CTNNA3: variants seen among roughly 807,000 people sequenced by gnomAD.
CTNNA3 encodes the protein catenin alpha 3, also known as catenin alpha-3.
CTNNA3 carries 76 observed loss-of-function variants against 95.7 expected under a neutral mutation model. That is an observed-to-expected ratio of 0.79 (90% CI 0.66 to 0.96). CTNNA3 has a LOEUF of 0.96. Among genes scored for constraint, CTNNA3 ranks in the 40% least tolerant of loss-of-function variants. The probability of loss-of-function intolerance (pLI) is 0.00; values close to 1 mark genes in which losing one functional copy is unlikely to be tolerated. For synonymous variants in CTNNA3, 431 were observed against 374.4 expected (o/e 1.15, Z -1.74); for missense variants, 1,191 against 1,089.8 (o/e 1.09, Z -1.31).
intron 14 of CTNNA3, among the ~76,000 whole-genome samples, chr10:66,093,312 C>T (rs2133701132): frequency 6.6e-6 from 1 of 152,098 alleles, no homozygotes; most frequent in African/African-American, 2.4e-5. Context: ...GAGATAGAGC[C>T]TAGTGCACTT....
At chr10:66,174,876 T>C (rs1405647659) in intron 13 of CTNNA3, among the ~76,000 whole-genome samples, 1 of 152,152 alleles carries the variant, frequency 6.6e-6, no homozygotes, top group Non-Finnish European at 1.5e-5. Context: ...CTTTGTTACA[T>C]TTTCATTTAA....
intron 10 of CTNNA3, among the ~76,000 whole-genome samples, chr10:66,536,576 A>G (rs1841667692): frequency 6.6e-6 from 1 of 152,100 alleles, no homozygotes; most frequent in Admixed American, 6.6e-5. Flanking sequence ...AATAATCTCA[A>G]CAAGAAGATC....
At chr10:66,752,201 T>C (rs1014069592) in intron 9 of CTNNA3, among the ~76,000 whole-genome samples, 1 of 152,112 alleles carries the variant, frequency 6.6e-6, no homozygotes, top group Non-Finnish European at 1.5e-5. Flanking sequence ...TAACTTACTA[T>C]AAAGTTACAG....
intron 13 of CTNNA3, among the ~76,000 whole-genome samples, chr10:66,217,035 T>C (rs1267994934): frequency 6.6e-6 from 1 of 152,148 alleles, no homozygotes; most frequent in Non-Finnish European, 1.5e-5. Flanking sequence ...CTCTATTCTA[T>C]AGTTTTATTT....
At chr10:66,178,943 A>G (rs893472686) in intron 13 of CTNNA3, among the ~76,000 whole-genome samples, 3 of 152,048 alleles carry the variant, frequency 2.0e-5, no homozygotes, top group Non-Finnish European at 4.4e-5. Flanking sequence ...TCACTCATAC[A>G]TGGCTAATTG....
At chr10:66,074,353 G>A (rs2080504858) in intron 14 of CTNNA3, among the ~76,000 whole-genome samples, 1 of 151,816 alleles carries the variant, frequency 6.6e-6, no homozygotes, top group African/African-American at 2.4e-5. Context: ...ACATATGGGT[G>A]TATTTCTCTT....
At chr10:67,659,625 A>G (rs1024865778) in intron 1 of CTNNA3, among the ~76,000 whole-genome samples, 1 of 152,246 alleles carries the variant, frequency 6.6e-6, no homozygotes, top group Admixed American at 6.5e-5. Context: ...ATGAGACAAC[A>G]GAAAAGCTTT....
chr10:67,263,549 C>T (rs1904611), intron 5 of CTNNA3, among the ~76,000 whole-genome samples: 48,306 of 151,976 alleles, frequency 0.32, 13,572 homozygotes, highest in African/African-American at 0.76. Context: ...CAACTCATCC[C>T]TCAAGAAAGG....
Position 66,310,971 on chromosome 10 carries a change from G to A in CTNNA3, c.1733-30350C>T, listed in dbSNP as rs567913171. 1.1e-3 allele frequency among the ~76,000 whole-genome samples: 162 copies of A among 152,268 alleles called. 1 individual carries two copies. The highest frequency in any genetic ancestry group is 3.7e-3 in the African/African-American group (154 of 41,564). ...CAAAGTGCTGGGATTACAGGTGTGA[G>A]TATATATAACTCTTACTTTTGGAAG... On this transcript the variant is annotated intron_variant, in intron 12 of 17. Coordinates refer to ENST00000433211, the MANE Select transcript of CTNNA3 (RefSeq NM_013266.4).
intron 10 of CTNNA3, among the ~76,000 whole-genome samples, chr10:66,580,091 A>C (rs544316910): frequency 6.7e-6 from 1 of 150,358 alleles, no homozygotes; most frequent in South Asian, 2.1e-4. Context: ...ATTATTTTTC[A>C]ATGGACTGGT....
chr10:66,614,139 T>C (rs1385560396), intron 10 of CTNNA3, among the ~76,000 whole-genome samples: 5 of 152,116 alleles, frequency 3.3e-5, no homozygotes, highest in Admixed American at 3.3e-4. Flanking sequence ...AATAGTCCTG[T>C]CTATGCAGAG....
rs1213810185 is a variant in CTNNA3, at chr10:66,111,182, T to C, written c.1885-7933A>G. ...TGCTCTTCTCATGATAGTGAGTGAG[T>C]TTCCATGAGATCTATTTAAAAGTGT... On this transcript the variant is annotated intron_variant, in intron 13 of 17. Coordinates refer to ENST00000433211, the MANE Select transcript of CTNNA3 (RefSeq NM_013266.4). Among the ~76,000 whole-genome samples the C allele has an allele frequency of 7.2e-5, 11 of 152,030 alleles. 1 individual carries two copies. The highest frequency in any genetic ancestry group is 7.4e-5 in the Non-Finnish European group (5 of 67,992).
intron 7 of CTNNA3, among the ~76,000 whole-genome samples, chr10:66,801,865 A>G (rs1353084519): frequency 6.6e-6 from 1 of 151,734 alleles, no homozygotes; most frequent in Non-Finnish European, 1.5e-5. Flanking sequence ...ATAAAACTAC[A>G]GTAATTAAGA....
intron 12 of CTNNA3, among the ~76,000 whole-genome samples, chr10:66,374,389 G>A (rs1319486125): frequency 4.6e-5 from 7 of 152,142 alleles, no homozygotes; most frequent in Admixed American, 3.9e-4. Context: ...TATATTTTAA[G>A]AGGGCAGTAG....
chr10:67,177,828 C>G (rs762382689), intron 7 of CTNNA3, among the ~76,000 whole-genome samples: 1 of 152,154 alleles, frequency 6.6e-6, no homozygotes, highest in Admixed American at 6.6e-5. Context: ...CACTTAATTA[C>G]AATATTCATT....
chr10:67,545,233 C>T (rs1840812877), intron 3 of CTNNA3, among the ~76,000 whole-genome samples: 1 of 152,016 alleles, frequency 6.6e-6, no homozygotes, highest in Admixed American at 6.6e-5. Context: ...GAAACATCTC[C>T]CAACATCATA....
chr10:67,675,704 A>G (rs764683844), intron 1 of CTNNA3, among the ~76,000 whole-genome samples: 2 of 152,152 alleles, frequency 1.3e-5, no homozygotes, highest in Non-Finnish European at 2.9e-5. Flanking sequence ...TAGCAGGAGG[A>G]ATTGCAAAGA....
At chr10:66,551,148 T>C (rs986553512) in intron 10 of CTNNA3, among the ~76,000 whole-genome samples, 1 of 152,180 alleles carries the variant, frequency 6.6e-6, no homozygotes, top group Non-Finnish European at 1.5e-5. Flanking sequence ...AGCCTTTTGT[T>C]AGCCAATGTT....
At chr10:67,669,050 G>A (rs1840384403) in intron 1 of CTNNA3, among the ~76,000 whole-genome samples, 1 of 151,964 alleles carries the variant, frequency 6.6e-6, no homozygotes, top group Non-Finnish European at 1.5e-5. Flanking sequence ...ATGTTGGCCA[G>A]GCTAGTCTCG....
Sources: allele counts gnomAD v4.1 joint callset (sites outside exome capture counted in the v4.1 genomes callset), GRCh38; gene constraint gnomAD v4.1.1; transcripts MANE v1.5; gene names NCBI Gene and HGNC (gene_info 2026-07-23, HGNC 2026-07-21).